The following CTNNA2 variants were observed in gnomAD, a reference collection of about 807,000 sequenced individuals.
CTNNA2 encodes catenin alpha 2.
CTNNA2 carries 42 observed loss-of-function variants against 101.0 expected under a neutral mutation model. The observed-to-expected ratio is 0.42, with a 90% confidence interval of 0.32 to 0.54. The LOEUF is 0.54. Ranked by LOEUF, CTNNA2 falls within the 20% of genes least tolerant of loss-of-function variation. CTNNA2 has a pLI of 0.14. For missense variants in CTNNA2, 871 were observed against 1,223.1 expected, an observed-to-expected ratio of 0.71 and a Z score of 4.29; for synonymous variants, 450 against 456.4, an observed-to-expected ratio of 0.99 and a Z score of 0.18.
At chr2:79,797,721 A>G (rs7557521) in intron 3 of CTNNA2, among the ~76,000 whole-genome samples, 22,958 of 150,698 alleles carry the variant, frequency 0.15, 2,938 homozygotes, top group East Asian at 0.37. Context: ...GTGTTTGTAC[A>G]TTTAGATGTT....
intron 7 of CTNNA2, among the ~76,000 whole-genome samples, chr2:80,146,710 GTTTTTTTTTTTTTTT>G (rs34019123): frequency 1.5e-4 from 9 of 61,764 alleles, no homozygotes; most frequent in South Asian, 1.4e-3. Context: ...GTCCCCTCTG[GTTTTTTTTTTTTTTT>G]TTTTTTTTTT....
intron 2 of CTNNA2, among the ~76,000 whole-genome samples, chr2:79,680,197 AAATCTCGGGATTTAGAGATTT>A (rs1420903614): frequency 9.2e-5 from 14 of 152,152 alleles, no homozygotes; most frequent in Admixed American, 7.9e-4. Flanking sequence ...ACAAAACAGA[AAATCTCGGGATTTAGAGATTT>A]ATCTTCCCTT....
intron 9 of CTNNA2, among the ~76,000 whole-genome samples, chr2:80,512,446 G>A (rs929217293): frequency 4.6e-5 from 7 of 152,174 alleles, no homozygotes; most frequent in Admixed American, 1.3e-4. Flanking sequence ...AAAGATAAAC[G>A]TTCAGACTAT....
At chr2:79,656,416 G>A (rs17715948) in intron 2 of CTNNA2, among the ~76,000 whole-genome samples, 16 of 152,134 alleles carry the variant, frequency 1.1e-4, no homozygotes, top group Middle Eastern at 3.4e-3. Context: ...CAATGATACA[G>A]TTTGCTCATA....
intron 1 of CTNNA2, among the ~76,000 whole-genome samples, chr2:79,548,480 A>T (rs1239626110): frequency 2.0e-5 from 3 of 152,138 alleles, no homozygotes; most frequent in African/African-American, 7.2e-5. Context: ...TTAGAAATTG[A>T]TGATTTGATT....
intron 7 of CTNNA2, among the ~76,000 whole-genome samples, chr2:79,960,925 T>TA (rs1203529914): frequency 1.3e-5 from 2 of 152,176 alleles, no homozygotes; most frequent in African/African-American, 4.8e-5. Flanking sequence ...CCCAGTTCAG[T>TA]AATCACTGGG....
At chr2:80,299,515 T>C (rs565988281) in intron 7 of CTNNA2, 1 of 152,242 alleles carries the variant, frequency 6.6e-6, no homozygotes, top group South Asian at 2.1e-4. Flanking sequence ...GAACATAGCT[T>C]TCTATGGTCA....
At position 79,615,875 on chromosome 2, in the gene CTNNA2, T is replaced by C. The variant is rs1054857239; in HGVS notation, c.-5-35677T>C. 2.0e-5 allele frequency among the ~76,000 whole-genome samples: 3 copies of C among 152,306 alleles called. No individual in the cohort carries two copies. In the East Asian group the frequency reaches 5.8e-4, roughly 29 times the overall value. On this transcript the variant is annotated intron_variant, in intron 1 of 18. Coordinates refer to ENST00000402739, the MANE Select transcript of CTNNA2 (RefSeq NM_001282597.3). ...TGTATAACAGTAACTCAGTGATACATGCAGGTGACTTGTAAATCACGTAAA... is the reference window on the plus strand; with the variant it reads ...TGTATAACAGTAACTCAGTGATACACGCAGGTGACTTGTAAATCACGTAAA...
intron 2 of CTNNA2, among the ~76,000 whole-genome samples, chr2:79,223,884 A>C (rs1674376668): frequency 6.6e-6 from 1 of 152,214 alleles, no homozygotes; most frequent in Non-Finnish European, 1.5e-5. Flanking sequence ...CTTAGAGATT[A>C]ATAGAGGCTT....
At chr2:80,620,068 A>G (rs1018156502) in intron 18 of CTNNA2, among the ~76,000 whole-genome samples, 1 of 151,828 alleles carries the variant, frequency 6.6e-6, no homozygotes, top group Non-Finnish European at 1.5e-5. Context: ...AAGCTTTTGT[A>G]TAAAAGGGTA....
chr2:79,961,116 G>A (rs62139974), intron 7 of CTNNA2, among the ~76,000 whole-genome samples: 23,790 of 152,168 alleles, frequency 0.16, 2,059 homozygotes, highest in Middle Eastern at 0.29. Flanking sequence ...AGGAAGTTTT[G>A]TTTGCAAATC....
chr2:80,081,844 T>C (rs939949119), intron 7 of CTNNA2, among the ~76,000 whole-genome samples: 3 of 152,042 alleles, frequency 2.0e-5, no homozygotes, highest in Non-Finnish European at 4.4e-5. Context: ...CCAAGTATCC[T>C]GTATAGAAGC....
At chr2:79,296,689 C>A (rs1675987386) in intron 2 of CTNNA2, among the ~76,000 whole-genome samples, 1 of 152,146 alleles carries the variant, frequency 6.6e-6, no homozygotes, top group African/African-American at 2.4e-5. Context: ...AAAAGAGAAT[C>A]TTTCTCCACT....
At chr2:80,137,016 C>T (rs144835813) in intron 7 of CTNNA2, among the ~76,000 whole-genome samples, 1 of 152,138 alleles carries the variant, frequency 6.6e-6, no homozygotes, top group African/African-American at 2.4e-5. Flanking sequence ...GATCAGCCAT[C>T]AGTGATGTGC....
chr2:80,056,679 G>C (rs1697234211), intron 7 of CTNNA2, among the ~76,000 whole-genome samples: 1 of 152,110 alleles, frequency 6.6e-6, no homozygotes, highest in African/African-American at 2.4e-5. Flanking sequence ...CCCAATGCAA[G>C]TGTTTCATCT....
intron 8 of CTNNA2, among the ~76,000 whole-genome samples, chr2:80,413,645 ATGAAGCTCAC>A (rs907726163): frequency 3.3e-5 from 5 of 152,212 alleles, no homozygotes; most frequent in African/African-American, 1.2e-4. Context: ...GCCAGACTTA[ATGAAGCTCAC>A]TACTTGTCAA....
chr2:79,912,096 C>G lies in CTNNA2; in HGVS notation c.1056+2299C>G, dbSNP rs79289223. Among the ~76,000 whole-genome samples the G allele has an allele frequency of 1.4e-4, 21 of 152,292 alleles. 1 individual carries two copies. In the East Asian group the frequency reaches 3.9e-3, roughly 28 times the overall value. On this transcript the variant is annotated intron_variant, in intron 7 of 18. Coordinates refer to ENST00000402739, the MANE Select transcript of CTNNA2 (RefSeq NM_001282597.3). ...AAGGTATTATCAAATGATCACCTTG[C>G]AAGTTTTCATCCTAATGTGCTAGGC...
At chr2:79,619,679 A>G (rs1232261283) in intron 1 of CTNNA2, among the ~76,000 whole-genome samples, 3 of 152,136 alleles carry the variant, frequency 2.0e-5, no homozygotes, top group Admixed American at 6.5e-5. Flanking sequence ...GTGTCATGAA[A>G]AATACCTCTG....
At chr2:79,575,199 A>G (rs960440389) in intron 1 of CTNNA2, among the ~76,000 whole-genome samples, 1 of 152,192 alleles carries the variant, frequency 6.6e-6, no homozygotes, top group East Asian at 1.9e-4. Context: ...AAGTTTATCC[A>G]TTATCACTAA....
Sources: gnomAD v4.1 joint callset for allele counts (sites outside exome capture counted in the v4.1 genomes callset) on GRCh38, gnomAD v4.1.1 for gene constraint, MANE v1.5 for transcripts, NCBI Gene and HGNC (gene_info 2026-07-23, HGNC 2026-07-21) for gene names.